IL1RAPL2: variants seen among roughly 807,000 people sequenced by gnomAD.
The protein encoded by IL1RAPL2 is X-linked interleukin-1 receptor accessory protein-like 2.
In IL1RAPL2, 3 loss-of-function variants were observed where a neutral mutation model predicts 44.1. The observed-to-expected ratio is 0.07, with a 90% CI of 0.03 to 0.18. IL1RAPL2 has a LOEUF of 0.18. Ranked by LOEUF, IL1RAPL2 falls within the 10% of genes least tolerant of loss-of-function variation. The pLI is 1.00. For missense variants in IL1RAPL2, 391 were observed against 496.4 expected (o/e 0.79, Z 2.02); for synonymous variants, 181 against 178.8 (o/e 1.01, Z -0.10).
chrX:104,709,687 T>C (rs1199163028), intron 2 of IL1RAPL2, among the ~76,000 whole-genome samples: 2 of 111,314 alleles, frequency 1.8e-5, no homozygotes, highest in South Asian at 7.3e-4. Flanking sequence ...CTTTTATGTA[T>C]AACCGTGATC....
chrX:105,561,587 A>G (rs1279481376), intron 6 of IL1RAPL2, among the ~76,000 whole-genome samples: 1 of 111,636 alleles, frequency 9.0e-6, no homozygotes. Context: ...ATATTTATCA[A>G]CAGAAAAAGT....
Position 104,699,926 on chromosome X carries a change from T to C in IL1RAPL2, c.82+40931T>C, listed in dbSNP as rs191580132. ...GGCAAGAGTTCAGAGTAAATAACTA[T>C]ATTTTAAGAAATTGTTGAGGAAGTT... On this transcript the variant is annotated intron_variant, in intron 2 of 10. Transcript: ENST00000372582. Among the ~76,000 whole-genome samples the C allele has an allele frequency of 2.7e-3, 301 of 111,049 alleles. 1 individual carries two copies. The highest frequency in any genetic ancestry group is 2.9e-3 in the Non-Finnish European group (153 of 53,046).
intron 5 of IL1RAPL2, among the ~76,000 whole-genome samples, chrX:105,454,573 A>G (rs2036042019): frequency 9.0e-6 from 1 of 111,677 alleles, no homozygotes; most frequent in South Asian, 3.8e-4. Context: ...AAAGGAGCCA[A>G]CATGTTTGTT....
intron 3 of IL1RAPL2, among the ~76,000 whole-genome samples, chrX:105,217,977 C>T (rs1291885015): frequency 4.5e-5 from 5 of 110,381 alleles, no homozygotes; most frequent in South Asian, 3.9e-4. Context: ...GAGAGCATTA[C>T]GACAAATATC....
intron 2 of IL1RAPL2, among the ~76,000 whole-genome samples, chrX:104,711,210 C>T (rs1186440559): frequency 9.0e-6 from 1 of 111,550 alleles, no homozygotes; most frequent in Non-Finnish European, 1.9e-5. Context: ...ACCATATGAC[C>T]TATCTGTAGT....
intron 5 of IL1RAPL2, among the ~76,000 whole-genome samples, chrX:105,431,549 T>C (rs928128122): frequency 1.2e-4 from 13 of 111,617 alleles, no homozygotes; most frequent in African/African-American, 4.2e-4. Flanking sequence ...TAACAGGATC[T>C]GAGTTTGTTT....
chrX:105,489,946 G>A (rs1319121909), intron 6 of IL1RAPL2, among the ~76,000 whole-genome samples: 1 of 108,652 alleles, frequency 9.2e-6, no homozygotes, highest in African/African-American at 3.4e-5. Flanking sequence ...TCCTGTCTCA[G>A]CCTCCCAAGC....
intron 6 of IL1RAPL2, among the ~76,000 whole-genome samples, chrX:105,610,031 C>T (rs1453415810): frequency 9.0e-6 from 1 of 111,680 alleles, no homozygotes; most frequent in Non-Finnish European, 1.9e-5. Flanking sequence ...TATATGTGAA[C>T]AGAAAAGAGG....
At chrX:104,776,151 A>T (rs1932715594) in intron 2 of IL1RAPL2, among the ~76,000 whole-genome samples, 1 of 112,146 alleles carries the variant, frequency 8.9e-6, no homozygotes, top group Admixed American at 9.5e-5. Flanking sequence ...AGCAATTATG[A>T]TATATAGGAA....
chrX:105,379,318 G>A (rs2035411703), intron 5 of IL1RAPL2, among the ~76,000 whole-genome samples: 1 of 111,290 alleles, frequency 9.0e-6, no homozygotes, highest in African/African-American at 3.3e-5. Context: ...TCTCCATCCT[G>A]GATATTACTC....
intron 6 of IL1RAPL2, among the ~76,000 whole-genome samples, chrX:105,597,447 T>C (rs1373787630): frequency 1.8e-5 from 2 of 111,119 alleles, no homozygotes; most frequent in Non-Finnish European, 3.8e-5. Flanking sequence ...AGAATGATGG[T>C]AGCATCTGCT....
intron 2 of IL1RAPL2, among the ~76,000 whole-genome samples, chrX:104,916,289 C>G (rs1924428027): frequency 1.8e-5 from 2 of 111,565 alleles, no homozygotes; most frequent in Admixed American, 1.9e-4. Context: ...CTTCCCATCC[C>G]TTGTAAGTTG....
At chrX:105,532,628 A>C (rs778318258) in intron 6 of IL1RAPL2, among the ~76,000 whole-genome samples, 1 of 107,521 alleles carries the variant, frequency 9.3e-6, no homozygotes, top group African/African-American at 3.7e-5. Context: ...AATTTAAAAA[A>C]TCAATACTTT....
At chrX:104,984,297 T>G (rs1195624826) in intron 2 of IL1RAPL2, among the ~76,000 whole-genome samples, 1 of 111,499 alleles carries the variant, frequency 9.0e-6, no homozygotes. Flanking sequence ...TACAAAAAAG[T>G]ACTTTTGAGA....
At chrX:104,890,920 T>C (rs1160781812) in intron 2 of IL1RAPL2, among the ~76,000 whole-genome samples, 1 of 112,101 alleles carries the variant, frequency 8.9e-6, no homozygotes, top group East Asian at 2.8e-4. Flanking sequence ...TCTAGGGTTT[T>C]TATGGTTTTA....
intron 2 of IL1RAPL2, among the ~76,000 whole-genome samples, chrX:105,091,018 GCT>G (rs1389056390): frequency 1.8e-5 from 2 of 112,215 alleles, no homozygotes; most frequent in African/African-American, 6.5e-5. Context: ...CTAGTTGAAA[GCT>G]CTGTTTAGTT....
In IL1RAPL2 at chrX:104,740,495, G is replaced by A. The variant is rs184068665; in HGVS notation, c.82+81500G>A. Among the ~76,000 whole-genome samples, 558 of 110,938 alleles carry A rather than the reference G, an allele frequency of 5.0e-3. 4 individuals carry two copies. The highest frequency in any genetic ancestry group is 0.017 in the African/African-American group (529 of 30,672). On this transcript the variant is annotated intron_variant, in intron 2 of 10. Coordinates refer to ENST00000372582, the MANE Select transcript of IL1RAPL2 (RefSeq NM_017416.2). ...TATCTCCTCTATGTACGTTTTCAAAGTAATAACCTGAGCTTTAATGGAATT... is the reference window on the plus strand; with the variant it reads ...TATCTCCTCTATGTACGTTTTCAAAATAATAACCTGAGCTTTAATGGAATT...
At chrX:105,563,599 G>A (rs1344328030) in intron 6 of IL1RAPL2, among the ~76,000 whole-genome samples, 1 of 112,022 alleles carries the variant, frequency 8.9e-6, no homozygotes, top group East Asian at 2.8e-4. Flanking sequence ...CAGACAGATA[G>A]TTATTTTGCA....
At chrX:105,745,751 A>G (rs2038535953) in intron 8 of IL1RAPL2, among the ~76,000 whole-genome samples, 1 of 111,253 alleles carries the variant, frequency 9.0e-6, no homozygotes, top group Non-Finnish European at 1.9e-5. Flanking sequence ...TGGCTCAGTC[A>G]TAGCACACTG....
Sources: allele counts gnomAD v4.1 joint callset (sites outside exome capture counted in the v4.1 genomes callset), GRCh38; gene constraint gnomAD v4.1.1; transcripts MANE v1.5; gene names NCBI Gene and HGNC (gene_info 2026-07-23, HGNC 2026-07-21).